Variants in RHPN1 observed in about 807,000 individuals in gnomAD.
The protein encoded by RHPN1 is rhophilin-1.
RHPN1 carries 77 observed loss-of-function variants against 74.7 expected under a neutral mutation model. That is an observed-to-expected ratio of 1.03 (90% confidence interval 0.86 to 1.25). The LOEUF (loss-of-function observed/expected upper bound fraction) is 1.25, where lower values mean the gene tolerates loss of function less well. Among genes scored for constraint, RHPN1 ranks in the 50% most tolerant of loss-of-function variants. RHPN1 has a pLI of 0.00. For synonymous variants in RHPN1, 444 were observed against 414.5 expected (o/e 1.07, Z -0.87); for missense variants, 987 against 932.2 (o/e 1.06, Z -0.77).
chr8:143,365,770 G>A (rs1016593454), upstream of RHPN1, among the ~76,000 whole-genome samples: 3 of 152,138 alleles, frequency 2.0e-5, no homozygotes, highest in African/African-American at 7.2e-5. Context: ...GGCCAAGGTG[G>A]GCCAATTGCT....
chr8:143,377,593 G>T (rs575923885), intron 4 of RHPN1, 138 bp downstream of exon 4: 2 of 632,448 alleles, frequency 3.2e-6, no homozygotes, highest in African/African-American at 1.8e-5. Context: ...TAAAAGGGAC[G>T]CAAGGGACCT....
chr8:143,373,532 T>C (rs1284295270), intron 1 of RHPN1, among the ~76,000 whole-genome samples: 2 of 35,092 alleles, frequency 5.7e-5, no homozygotes, highest in Non-Finnish European at 4.5e-5. Flanking sequence ...GGGGATGGTG[T>C]GGGTTCCAGG....
At chr8:143,379,180 C>A in intron 7 of RHPN1, 102 bp downstream of exon 7, 1 of 1,394,492 alleles carries the variant, frequency 7.2e-7, no homozygotes, top group Admixed American at 2.7e-5. Flanking sequence ...ACATCAGTCC[C>A]TCAGGTAGGG....
chr8:143,368,862 G>T (rs907660959), upstream of RHPN1: 18 of 569,820 alleles, frequency 3.2e-5, no homozygotes, highest in Non-Finnish European at 4.2e-5. Flanking sequence ...GGACAGTCGG[G>T]GACCGGCGCG....
At chr8:143,364,330 T>TCTCC (rs911504738), upstream of RHPN1, among the ~76,000 whole-genome samples, 4 of 151,960 alleles carry the variant, frequency 2.6e-5, no homozygotes, top group African/African-American at 9.7e-5. This position sits in a 1 kb window ranked among gnomAD's most constrained non-coding sequence, Gnocchi z 4.5. Context: ...ACCATGGGCG[T>TCTCC]CTCCCTCCCT....
intron 1 of RHPN1, 23 bp from the exon 2 acceptor site, chr8:143,375,530 G>A (rs2130566527): frequency 1.3e-6 from 2 of 1,547,070 alleles, no homozygotes; most frequent in East Asian, 4.7e-5. Flanking sequence ...GTCGGGCTGT[G>A]ATCGCCTGTG....
At chr8:143,370,121 T>A (rs901431851) in intron 1 of RHPN1, among the ~76,000 whole-genome samples, 2 of 152,142 alleles carry the variant, frequency 1.3e-5, no homozygotes, top group African/African-American at 4.8e-5. Flanking sequence ...CACATGTTGT[T>A]TTGGGTGGAA....
At position 143,374,027 on chromosome 8, in the gene RHPN1, G is replaced by T. The variant is rs567372291; in HGVS notation, c.61-1526G>T. ...CTGCTGTGATTTTGGGGGGCTGGACGAGCAGGCCTTCTGTCTAGGAAATCA... is the reference window on the plus strand; with the variant it reads ...CTGCTGTGATTTTGGGGGGCTGGACTAGCAGGCCTTCTGTCTAGGAAATCA... On this transcript the variant is annotated intron_variant, in intron 1 of 14. Coordinates refer to ENST00000289013, the MANE Select transcript of RHPN1 (RefSeq NM_052924.3). 7.1e-6 allele frequency: 5 copies of T among 701,882 alleles called. 1 individual carries two copies. The South Asian group carries it at 3.2e-4, about 45-fold the overall frequency. 43.5% of individuals were successfully genotyped at this position (701,882 alleles called of 1,614,324 possible). A position where few individuals can be genotyped will look rare whatever the true frequency, so the allele number is the denominator to read the frequency against.
intron 5 of RHPN1, 121 bp downstream of exon 5, chr8:143,378,467 CG>C: frequency 2.0e-6 from 2 of 1,017,768 alleles, no homozygotes; most frequent in African/African-American, 3.2e-5. Flanking sequence ...CGTGGGGAGA[CG>C]GGCGCACCAG....
At position 143,374,133 on chromosome 8, in the gene RHPN1, A is replaced by G. The variant is rs1049741758; in HGVS notation, c.61-1420A>G. On this transcript the variant is annotated intron_variant, in intron 1 of 14. Coordinates refer to ENST00000289013, the MANE Select transcript of RHPN1 (RefSeq NM_052924.3). ...CACATTAGCAAAAAGAACTCTCTCC[A>G]GATATCTAGGAGAAAACCCAGGAAA... is the stretch of plus-strand genomic sequence containing the variant. 12 of 985,294 alleles carry G rather than the reference A, an allele frequency of 1.2e-5. No homozygotes were observed. In the African/African-American group the frequency reaches 1.9e-4, roughly 16 times the overall value. 61.0% of individuals were successfully genotyped at this position (985,294 alleles called of 1,614,324 possible).
At chr8:143,378,166 C>A (rs144558056) in intron 4 of RHPN1, 103 bp from the exon 5 acceptor site, 19,683 of 978,150 alleles carry the variant, frequency 0.02, 294 homozygotes, top group Non-Finnish European at 0.023. Context: ...GCGGCACAGA[C>A]CCTCCCTCCA....
In RHPN1 at chr8:143,380,674, C is replaced by A; in HGVS notation, c.1302C>A (p.Asp434Glu). 6.3e-7 allele frequency: 1 copy of A among 1,577,854 alleles called. No individual in the cohort carries two copies. The highest frequency in any genetic ancestry group is 1.3e-5 in the African/African-American group (1 of 74,258). ...HALCRVLREV[D>E]LLRAVISQTL... ...TGTGCCGCGTCCTGCGCGAGGTGGA[C>A]CTGCTTCGGGCTGTGATCTCCCAGA... Residue 434 changes from aspartate to glutamate, a missense_variant, in exon 11 of 15, where the codon GAC (aspartate) becomes GAA (glutamate). Physicochemically the swap from Asp to Glu is conservative, Grantham distance 45 (BLOSUM62 2). Transcript: ENST00000289013.
rs902041226 is a variant in RHPN1, at chr8:143,382,432, G to A, written c.1798-4G>A. The A allele has an allele frequency of 1.9e-6, 3 of 1,555,588 alleles. No homozygotes were observed. Among genetic ancestry groups the A allele is most frequent in the South Asian group, 2.4e-5 (2 of 84,612 alleles). On this transcript the variant is annotated splice_region_variant and splice_polypyrimidine_tract_variant and intron_variant, in intron 14 of 14. Coordinates refer to ENST00000289013, the MANE Select transcript of RHPN1 (RefSeq NM_052924.3). The stretch of plus-strand genomic sequence containing the variant: ...ACCACAGTCTGTCTCTGTCCCTGCT[G>A]CAGGGGGACCGCCGGCCCGTCCTGC...
chr8:143,378,121 A>T, intron 4 of RHPN1, 148 bp from the exon 5 acceptor site: 1 of 676,504 alleles, frequency 1.5e-6, no homozygotes, highest in Non-Finnish European at 2.6e-6. Context: ...TGAGGGGCCC[A>T]GGGCCCCCAC....
chr8:143,382,552 C>G lies in RHPN1; in HGVS notation c.1914C>G (p.Ser638Arg). The change falls in exon 15 of 15, where the codon AGC (serine) becomes AGG (arginine). Residue 638 changes from serine to arginine, a missense_variant. Coordinates refer to ENST00000289013, the MANE Select transcript of RHPN1 (RefSeq NM_052924.3). ...WASPRPLLNW[S>R]RKAQQGKTGG... Reference sequence around the variant, plus strand: ...GTCCCCGGCCCCTCCTCAACTGGAGCCGAAAGGCCCAGCAGGGCAAGACTG... The same window carrying G: ...GTCCCCGGCCCCTCCTCAACTGGAGGCGAAAGGCCCAGCAGGGCAAGACTG... 6.2e-7 allele frequency: 1 copy of G among 1,611,632 alleles called. No homozygotes were observed. The highest frequency in any genetic ancestry group is 8.5e-7 in the Non-Finnish European group (1 of 1,179,622).
At chr8:143,377,503 C>T in intron 4 of RHPN1, 48 bp downstream of exon 4, 2 of 1,398,920 alleles carry the variant, frequency 1.4e-6, no homozygotes, top group Non-Finnish European at 2.0e-6. Flanking sequence ...TGCCCTGGGA[C>T]CAAGGGGGTC....
Position 143,375,675 on chromosome 8 carries a change from G to C in RHPN1, c.176+7G>C. 1 of 1,593,204 alleles carries C rather than the reference G, an allele frequency of 6.3e-7. No homozygotes were observed. The highest frequency in any genetic ancestry group is 2.3e-5 in the East Asian group (1 of 44,282). On this transcript the variant is annotated splice_region_variant and intron_variant, in intron 2 of 14. Transcript: ENST00000289013. Reference sequence around the variant, plus strand: ...GCGCTGAGAACCTCTACAGGTCAGTGCTTGAGACTGCCCGGCCCCGGGAGC... The same window carrying C: ...GCGCTGAGAACCTCTACAGGTCAGTCCTTGAGACTGCCCGGCCCCGGGAGC...
intron 5 of RHPN1, among the ~76,000 whole-genome samples, 162 bp from the exon 6 acceptor site, chr8:143,378,534 C>T (rs996783850): frequency 2.0e-5 from 3 of 152,050 alleles, no homozygotes; most frequent in South Asian, 2.1e-4. Context: ...CAGGTGGCTC[C>T]GGTGCCGCAT....
intron 4 of RHPN1, 63 bp downstream of exon 4, chr8:143,377,518 A>T: frequency 8.3e-7 from 1 of 1,207,516 alleles, no homozygotes; most frequent in Non-Finnish European, 1.2e-6. Flanking sequence ...GGGGTCTTGG[A>T]GGCTTTCTGG....
Sources: allele counts gnomAD v4.1 joint callset (sites outside exome capture counted in the v4.1 genomes callset), GRCh38; gene constraint gnomAD v4.1.1; non-coding constraint Gnocchi (gnomAD v3.1); transcripts MANE v1.5; gene names NCBI Gene and HGNC (gene_info 2026-07-23, HGNC 2026-07-21).